Variants in UQCC2 observed in about 807,000 individuals in gnomAD.
UQCC2 encodes breast cancer-associated protein SGA-81M.
Under a neutral mutation model 19.9 loss-of-function variants are expected in UQCC2, and 21 were observed. That is an observed-to-expected ratio of 1.05 (90% CI 0.75 to 1.52). The LOEUF is 1.52. UQCC2 is among the 40% of genes most tolerant of loss of function. The pLI, the probability that UQCC2 is intolerant of heterozygous loss-of-function variation, is 0.00. For synonymous variants in UQCC2, 57 were observed against 60.9 expected, an observed-to-expected ratio of 0.94 and a Z score of 0.30; for missense variants, 135 against 157.5, an observed-to-expected ratio of 0.86 and a Z score of 0.76.
intron 3 of UQCC2, chr6:33,698,031 T>C: frequency 2.3e-6 from 1 of 442,336 alleles, no homozygotes; most frequent in Non-Finnish European, 4.1e-6. Flanking sequence ...GTGCTGCTCG[T>C]TGCCCTGCTC....
At chr6:33,700,618 A>G (rs1257170543) in intron 2 of UQCC2, 105 bp from the exon 3 acceptor site, 2 of 1,176,248 alleles carry the variant, frequency 1.7e-6, no homozygotes, top group East Asian at 2.3e-5. Flanking sequence ...AGAGGCCAGG[A>G]GGCCTAGCAA....
At chr6:33,709,709 C>A (rs1057386603) in intron 1 of UQCC2, among the ~76,000 whole-genome samples, 1 of 152,094 alleles carries the variant, frequency 6.6e-6, no homozygotes, top group Admixed American at 6.5e-5. Context: ...AATGATGCCA[C>A]TGGGCGTGCT....
Position 33,711,688 on chromosome 6 carries a change from T to G in UQCC2, c.-2A>C, listed in dbSNP as rs749233483. On this transcript the variant is annotated 5_prime_UTR_variant, in exon 1 of 4. Transcript: ENST00000607484. ...ACGCCGGTACCGGCTGGCCGCCATC[T>G]TGGGCCCCGCGTGTTCCCGCCTTAG... is the stretch of plus-strand genomic sequence containing the variant. 150 of 1,607,524 alleles carry G rather than the reference T, an allele frequency of 9.3e-5. No homozygotes were observed. The highest frequency in any genetic ancestry group is 1.2e-4 in the Non-Finnish European group (144 of 1,177,860).
chr6:33,699,324 A>G (rs983853091), intron 3 of UQCC2, among the ~76,000 whole-genome samples: 58 of 152,324 alleles, frequency 3.8e-4, no homozygotes, highest in African/African-American at 1.2e-3. Context: ...GCGCGGACCA[A>G]TGGCGGGACT....
chr6:33,700,051 G>A (rs1003724784), intron 3 of UQCC2, among the ~76,000 whole-genome samples: 1 of 152,066 alleles, frequency 6.6e-6, no homozygotes, highest in African/African-American at 2.4e-5. Flanking sequence ...ACTCTTAGGC[G>A]GATATCCCCA....
At chr6:33,698,025 T>C in intron 3 of UQCC2, 1 of 458,464 alleles carries the variant, frequency 2.2e-6, no homozygotes, top group East Asian at 4.1e-5. Flanking sequence ...CGGGATGTGC[T>C]GCTCGTTGCC....
chr6:33,705,912 T>C (rs1425968555), intron 1 of UQCC2, among the ~76,000 whole-genome samples: 2 of 152,208 alleles, frequency 1.3e-5, no homozygotes, highest in Non-Finnish European at 2.9e-5. Context: ...GGGGACATTA[T>C]GAAAAATTCA....
At position 33,711,664 on chromosome 6, in the gene UQCC2, C is replaced by A. The variant is rs1373387327; in HGVS notation, c.23G>T (p.Arg8Leu). 6.2e-7 allele frequency: 1 copy of A among 1,612,228 alleles called. No individual in the cohort carries two copies. Among genetic ancestry groups the A allele is most frequent in the East Asian group, 2.2e-5 (1 of 44,686 alleles). Residue 8 changes from arginine (R) to leucine (L), a missense_variant, in exon 1 of 4, where the codon CGT becomes CTT. By Grantham distance (102) the Arg-to-Leu change is moderately radical. Coordinates refer to ENST00000607484, the MANE Select transcript of UQCC2 (RefSeq NM_032340.4). MAASRYR[R>L]FLKLCEEWPV... The stretch of plus-strand genomic sequence containing the variant: ...CCATTCCTCACAGAGCTTAAGAAAA[C>A]GCCGGTACCGGCTGGCCGCCATCTT...
At position 33,707,195 on chromosome 6, in the gene UQCC2, T is replaced by TG. The variant is rs555161004; in HGVS notation, c.138+4353dup. On this transcript the variant is annotated intron_variant, in intron 1 of 3. Transcript: ENST00000607484. ...TTCAGAATTGGGAGAGAAAAAAAGA[T>TG]GGAGATGTTTGTATTCCCTCTTAGA... is the stretch of plus-strand genomic sequence containing the variant. Among the ~76,000 whole-genome samples, 15 of 152,368 alleles carry TG rather than the reference T, an allele frequency of 9.8e-5. No individual in the cohort carries two copies. In the East Asian group the frequency reaches 1.5e-3, roughly 16 times the overall value.
chr6:33,701,657 A>G (rs1366922620), intron 1 of UQCC2, among the ~76,000 whole-genome samples: 3 of 152,108 alleles, frequency 2.0e-5, no homozygotes, highest in African/African-American at 7.2e-5. Flanking sequence ...AATCAGATCA[A>G]TTAATCAGCA....
intron 1 of UQCC2, among the ~76,000 whole-genome samples, chr6:33,702,130 C>G (rs1561889753): frequency 6.6e-6 from 1 of 152,144 alleles, no homozygotes; most frequent in Non-Finnish European, 1.5e-5. Flanking sequence ...CCTCAGCCTC[C>G]TGAGTAACTG....
At chr6:33,700,611 GGCC>G in intron 2 of UQCC2, 98 bp from the exon 3 acceptor site, 1 of 1,276,652 alleles carries the variant, frequency 7.8e-7, no homozygotes, top group South Asian at 1.2e-5. Context: ...GGCAACCAGA[GGCC>G]AGGAGGCCTA....
intron 1 of UQCC2, among the ~76,000 whole-genome samples, chr6:33,709,481 C>T (rs1044974667): frequency 4.6e-5 from 7 of 152,000 alleles, no homozygotes; most frequent in African/African-American, 1.7e-4. Flanking sequence ...AAAATGGCAT[C>T]ATCTCTATTT....
chr6:33,701,493 A>C, intron 1 of UQCC2, 73 bp from the exon 2 acceptor site: 1 of 1,457,196 alleles, frequency 6.9e-7, no homozygotes, highest in Non-Finnish European at 9.4e-7. Context: ...CCTTGAGGAA[A>C]GACCATACTT....
At chr6:33,700,551 G>C in intron 2 of UQCC2, 38 bp from the exon 3 acceptor site, 1 of 1,604,648 alleles carries the variant, frequency 6.2e-7, no homozygotes, top group South Asian at 1.1e-5. Context: ...AGGGAGGGGA[G>C]AGATCAGCAC....
intron 1 of UQCC2, among the ~76,000 whole-genome samples, chr6:33,709,980 C>T (rs1765746929): frequency 6.6e-6 from 1 of 152,202 alleles, no homozygotes; most frequent in African/African-American, 2.4e-5. Context: ...ACACCGAACT[C>T]GAGATATTCT....
At position 33,711,538 on chromosome 6, in the gene UQCC2, C is replaced by T. The variant is rs1482304431; in HGVS notation, c.138+11G>A. ...TCCTCCCCTCGTCCCAGCCGCCTCC[C>T]CGCCGGTCACCTGGGTATTCTCTCC... On this transcript the variant is annotated intron_variant, in intron 1 of 3. Transcript: ENST00000607484. The T allele has an allele frequency of 6.3e-7, 1 of 1,591,958 alleles. No individual in the cohort carries two copies. The highest frequency in any genetic ancestry group is 8.5e-7 in the Non-Finnish European group (1 of 1,169,802).
intron 2 of UQCC2, 114 bp from the exon 3 acceptor site, chr6:33,700,627 AAGG>A (rs1029247174): frequency 7.3e-6 from 8 of 1,097,878 alleles, no homozygotes; most frequent in Admixed American, 1.8e-5. Context: ...GAGGCCTAGC[AAGG>A]AGAAGAGCAG....
intron 1 of UQCC2, among the ~76,000 whole-genome samples, chr6:33,710,193 C>A (rs1362416261): frequency 2.6e-5 from 4 of 152,142 alleles, no homozygotes; most frequent in Non-Finnish European, 4.4e-5. Flanking sequence ...CCTCATCCAA[C>A]CCCCCACCAT....
Sources: allele counts gnomAD v4.1 joint callset (sites outside exome capture counted in the v4.1 genomes callset), GRCh38; gene constraint gnomAD v4.1.1; transcripts MANE v1.5; gene names NCBI Gene and HGNC (gene_info 2026-07-23, HGNC 2026-07-21).